The following MLLT3 variants were observed in gnomAD, a reference collection of about 807,000 sequenced individuals.
MLLT3 encodes the protein MLLT3 super elongation complex subunit, also known as protein AF-9.
Under a neutral mutation model 53.2 loss-of-function variants are expected in MLLT3, and 4 were observed. The observed-to-expected ratio is 0.08, with a 90% CI of 0.04 to 0.17. The LOEUF is 0.17. Ranked by LOEUF, MLLT3 falls within the 10% of genes least tolerant of loss-of-function variation. The pLI, the probability that MLLT3 is intolerant of heterozygous loss-of-function variation, is 1.00. For synonymous variants in MLLT3, 283 were observed against 230.6 expected (o/e 1.23, Z -2.06); for missense variants, 569 against 684.0 (o/e 0.83, Z 1.87).
intron 4 of MLLT3, among the ~76,000 whole-genome samples, chr9:20,429,238 C>A (rs1823207634): frequency 6.6e-6 from 1 of 152,012 alleles, no homozygotes; most frequent in Non-Finnish European, 1.5e-5. Context: ...CATGGTGGCA[C>A]ACACCTATAG....
At chr9:20,467,086 C>T (rs1225856267) in intron 2 of MLLT3, among the ~76,000 whole-genome samples, 2 of 151,526 alleles carry the variant, frequency 1.3e-5, no homozygotes, top group East Asian at 1.9e-4. Flanking sequence ...ACTAGAGACA[C>T]TATGAAAATA....
chr9:20,439,300 T>A (rs1380555384), intron 4 of MLLT3, among the ~76,000 whole-genome samples: 2 of 151,918 alleles, frequency 1.3e-5, no homozygotes, highest in Non-Finnish European at 1.5e-5. Context: ...AGGCTGCAGT[T>A]ATCCGCGATG....
chr9:20,416,038 T>C (rs1383559076), intron 4 of MLLT3, among the ~76,000 whole-genome samples: 3 of 151,994 alleles, frequency 2.0e-5, no homozygotes, highest in Admixed American at 6.6e-5. Context: ...GAAAACATCA[T>C]AATCTGAGAT....
chr9:20,597,429 T>C (rs2131193059), intron 2 of MLLT3, among the ~76,000 whole-genome samples: 1 of 152,250 alleles, frequency 6.6e-6, no homozygotes, highest in East Asian at 1.9e-4. Context: ...TAGATCATCC[T>C]TGTCCCACAA....
chr9:20,380,715 C>T (rs1821889201), intron 5 of MLLT3, among the ~76,000 whole-genome samples: 1 of 151,976 alleles, frequency 6.6e-6, no homozygotes, highest in Non-Finnish European at 1.5e-5. Flanking sequence ...ACAGACCGTT[C>T]TTTTCACTTA....
At chr9:20,610,859 A>T (rs1473275291) in intron 2 of MLLT3, among the ~76,000 whole-genome samples, 1 of 152,180 alleles carries the variant, frequency 6.6e-6, no homozygotes, top group Non-Finnish European at 1.5e-5. Context: ...AAAGTCATAC[A>T]ACAAGCATCA....
At chr9:20,535,136 G>A (rs989630400) in intron 2 of MLLT3, among the ~76,000 whole-genome samples, 10 of 152,142 alleles carry the variant, frequency 6.6e-5, no homozygotes, top group Non-Finnish European at 1.3e-4. Flanking sequence ...TAGCGTTACC[G>A]CCTGAGCTCC....
intron 2 of MLLT3, among the ~76,000 whole-genome samples, chr9:20,510,381 G>C (rs1050041515): frequency 6.6e-6 from 1 of 152,144 alleles, no homozygotes; most frequent in South Asian, 2.1e-4. Flanking sequence ...GGGAGGCCAA[G>C]GTGGGCAGAT....
At chr9:20,399,342 C>A (rs570159938) in intron 5 of MLLT3, among the ~76,000 whole-genome samples, 107 of 152,232 alleles carry the variant, frequency 7.0e-4, no homozygotes, top group African/African-American at 2.5e-3. Flanking sequence ...CATCTTTGCA[C>A]TATTAAACTC....
intron 2 of MLLT3, among the ~76,000 whole-genome samples, chr9:20,578,252 C>T (rs998687111): frequency 1.3e-5 from 2 of 152,118 alleles, no homozygotes; most frequent in African/African-American, 4.8e-5. Context: ...GTAAGTCCTC[C>T]CTTCCCTAGT....
At chr9:20,561,044 G>A (rs1395192956) in intron 2 of MLLT3, among the ~76,000 whole-genome samples, 2 of 152,140 alleles carry the variant, frequency 1.3e-5, no homozygotes, top group Non-Finnish European at 2.9e-5. Context: ...TAACTGAAAA[G>A]CAAAGGGACC....
rs150433953 is a variant in MLLT3 at position 20,464,498 on chromosome 9, C to T, written c.194-7712G>A. The stretch of plus-strand genomic sequence containing the variant: ...AAAGACAACATGCATATATAAAATA[C>T]TGAGAAAGTACTGAGTGACAAGTGC... On this transcript the variant is annotated intron_variant, in intron 2 of 10. Coordinates refer to ENST00000380338, the MANE Select transcript of MLLT3 (RefSeq NM_004529.4). Among the ~76,000 whole-genome samples, 4 of 152,120 alleles carry T rather than the reference C, an allele frequency of 2.6e-5. No homozygotes were observed. The East Asian group carries it at 7.7e-4, about 29-fold the overall frequency.
intron 5 of MLLT3, among the ~76,000 whole-genome samples, chr9:20,386,933 T>G (rs1822051305): frequency 6.6e-6 from 1 of 152,238 alleles, no homozygotes; most frequent in Admixed American, 6.5e-5. Context: ...AGTTGACTTT[T>G]CATATCCTTT....
intron 2 of MLLT3, among the ~76,000 whole-genome samples, chr9:20,569,883 G>T (rs986544309): frequency 6.6e-6 from 1 of 152,100 alleles, no homozygotes; most frequent in Non-Finnish European, 1.5e-5. Flanking sequence ...CACCTAATGC[G>T]CTGTGGTCTG....
intron 2 of MLLT3, among the ~76,000 whole-genome samples, chr9:20,583,249 T>C (rs1470432142): frequency 1.3e-5 from 2 of 152,108 alleles, no homozygotes; most frequent in African/African-American, 4.8e-5. Context: ...TACCAAGAGG[T>C]GGGTTCGTGG....
intron 2 of MLLT3, among the ~76,000 whole-genome samples, chr9:20,607,000 G>C (rs7873127): frequency 0.44 from 66,947 of 151,932 alleles, 16,373 homozygotes; most frequent in Middle Eastern, 0.56. Context: ...TTGTCCTCTG[G>C]TTCCTCTTTC....
intron 2 of MLLT3, among the ~76,000 whole-genome samples, chr9:20,604,713 C>A (rs1308310831): frequency 1.3e-5 from 2 of 152,112 alleles, no homozygotes; most frequent in Non-Finnish European, 2.9e-5. Flanking sequence ...CTTTAACGAT[C>A]ATAGCAAAAG....
chr9:20,446,934 A>G (rs1823719731), intron 4 of MLLT3, among the ~76,000 whole-genome samples: 1 of 152,224 alleles, frequency 6.6e-6, no homozygotes. Context: ...CACTTAAACC[A>G]TAATCTATTG....
rs181529045 is a variant in MLLT3, at chr9:20,534,519, C to T, written c.194-77733G>A. 3.3e-5 allele frequency among the ~76,000 whole-genome samples: 5 copies of T among 152,266 alleles called. No homozygotes were observed. The East Asian group carries it at 9.6e-4, about 29-fold the overall frequency. On this transcript the variant is annotated intron_variant, in intron 2 of 10. Transcript: ENST00000380338. ...CCTTCATTTTTCACTCTGCTTTGTC[C>T]TCCTTGGATGAACAGAACACTGTGT...
Sources: allele counts gnomAD v4.1 joint callset (sites outside exome capture counted in the v4.1 genomes callset), GRCh38; gene constraint gnomAD v4.1.1; transcripts MANE v1.5; gene names NCBI Gene and HGNC (gene_info 2026-07-23, HGNC 2026-07-21).